Variants in UVRAG observed in about 807,000 individuals in gnomAD.
The protein encoded by UVRAG is UV radiation resistance associated, also known as UV radiation resistance-associated gene protein.
A neutral mutation model predicts 78.0 loss-of-function variants in UVRAG; 19 were observed. The observed-to-expected ratio is 0.24, with a 90% confidence interval of 0.17 to 0.36. UVRAG has a LOEUF of 0.36. Among genes scored for constraint, UVRAG ranks in the 10% least tolerant of loss-of-function variants. The pLI is 1.00. For synonymous variants in UVRAG, 323 were observed against 324.6 expected (o/e 1.00, Z 0.05); for missense variants, 740 against 853.8 (o/e 0.87, Z 1.66).
At position 75,815,234 on chromosome 11, in the gene UVRAG, GC is replaced by G; in HGVS notation, c.-173del. ...CGGTAATATGGCTCTTCCTTAGCCA[GC>G]GGCGGCAACGGCGGCAGCGGCGGCA... is the stretch of plus-strand genomic sequence containing the variant. On this transcript the variant is annotated 5_prime_UTR_variant, in exon 1 of 15. Coordinates refer to ENST00000356136, the MANE Select transcript of UVRAG (RefSeq NM_003369.4). 2.2e-6 allele frequency: 1 copy of G among 446,234 alleles called. No homozygotes were observed. The highest frequency in any genetic ancestry group is 3.9e-6 in the Non-Finnish European group (1 of 255,702). 27.6% of individuals were successfully genotyped at this position (446,234 alleles called of 1,614,324 possible).
At chr11:75,985,986 GATTAC>G (rs1259907748) in intron 8 of UVRAG, among the ~76,000 whole-genome samples, 1 of 152,034 alleles carries the variant, frequency 6.6e-6, no homozygotes, top group Non-Finnish European at 1.5e-5. Context: ...TTTTCTTCAA[GATTAC>G]CTCAGTTATT....
At chr11:75,941,564 G>A (rs1948485038) in intron 6 of UVRAG, among the ~76,000 whole-genome samples, 1 of 152,072 alleles carries the variant, frequency 6.6e-6, no homozygotes, top group Non-Finnish European at 1.5e-5. Flanking sequence ...AGGAAATGTT[G>A]ATCCACTTGT....
chr11:75,891,978 A>C (rs1406684404), intron 5 of UVRAG, among the ~76,000 whole-genome samples: 1 of 152,212 alleles, frequency 6.6e-6, no homozygotes, highest in Non-Finnish European at 1.5e-5. Flanking sequence ...ATTACTAATA[A>C]AACTGATGGA....
intron 12 of UVRAG, among the ~76,000 whole-genome samples, chr11:76,035,821 C>T (rs1305318243): frequency 6.6e-6 from 1 of 152,202 alleles, no homozygotes; most frequent in Non-Finnish European, 1.5e-5. Flanking sequence ...AGCATACTAT[C>T]AGCTTATTAT....
intron 4 of UVRAG, 82 bp from the exon 5 acceptor site, chr11:75,888,747 C>T (rs991260189): frequency 5.9e-6 from 7 of 1,182,326 alleles, no homozygotes; most frequent in Non-Finnish European, 8.4e-6. Flanking sequence ...GAAGTAGATC[C>T]TGTTGTAACT....
intron 7 of UVRAG, among the ~76,000 whole-genome samples, chr11:75,971,206 G>A (rs377245483): frequency 1.3e-5 from 2 of 152,132 alleles, no homozygotes; most frequent in African/African-American, 4.8e-5. Context: ...TCACTGAATA[G>A]TACTCCATTG....
intron 13 of UVRAG, among the ~76,000 whole-genome samples, chr11:76,084,800 G>T (rs1231328203): frequency 6.6e-6 from 1 of 152,074 alleles, no homozygotes; most frequent in Non-Finnish European, 1.5e-5. Context: ...AGTGGCTCAT[G>T]CCTGTAATCC....
intron 8 of UVRAG, among the ~76,000 whole-genome samples, chr11:75,984,781 G>A (rs141686815): frequency 5.3e-5 from 8 of 152,282 alleles, no homozygotes; most frequent in African/African-American, 1.9e-4. Context: ...CATTATGTTT[G>A]TAGAGTCATT....
intron 8 of UVRAG, among the ~76,000 whole-genome samples, chr11:75,987,391 T>G (rs1049928723): frequency 1.3e-5 from 2 of 152,248 alleles, no homozygotes; most frequent in African/African-American, 4.8e-5. Context: ...TAATTTTATA[T>G]CCAAGGAACT....
chr11:75,828,731 G>GTGTA (rs1555069621), intron 1 of UVRAG, among the ~76,000 whole-genome samples: 1 of 110,822 alleles, frequency 9.0e-6, no homozygotes, highest in Admixed American at 1.0e-4. Context: ...ATGTGTGTGT[G>GTGTA]TATATATATA....
At chr11:75,917,049 G>T (rs1299701557) in intron 6 of UVRAG, among the ~76,000 whole-genome samples, 1 of 152,162 alleles carries the variant, frequency 6.6e-6, no homozygotes, top group Admixed American at 6.5e-5. Context: ...ATTTTACAAA[G>T]GTGTTTTCAG....
intron 6 of UVRAG, among the ~76,000 whole-genome samples, chr11:75,944,613 C>T (rs1450213586): frequency 6.6e-6 from 1 of 152,106 alleles, no homozygotes. Flanking sequence ...TCAAGGGAGA[C>T]ATGGTTTTTC....
chr11:75,898,425 ATC>A (rs939815349), intron 5 of UVRAG, among the ~76,000 whole-genome samples: 1 of 151,800 alleles, frequency 6.6e-6, no homozygotes, highest in African/African-American at 2.4e-5. Flanking sequence ...TGAATTGTCT[ATC>A]TCTCTCTCTT....
intron 13 of UVRAG, among the ~76,000 whole-genome samples, chr11:76,089,015 C>T (rs1469821446): frequency 6.6e-6 from 1 of 152,156 alleles, no homozygotes; most frequent in Admixed American, 6.5e-5. Flanking sequence ...AAGGTTTGCA[C>T]ATGCATGATA....
intron 2 of UVRAG, among the ~76,000 whole-genome samples, chr11:75,854,376 A>G (rs543645215): frequency 1.3e-5 from 2 of 152,156 alleles, no homozygotes; most frequent in South Asian, 4.1e-4. Flanking sequence ...ATTACATTCT[A>G]TTGGCCATAA....
At chr11:76,085,597 G>A (rs1304686266) in intron 13 of UVRAG, among the ~76,000 whole-genome samples, 1 of 152,150 alleles carries the variant, frequency 6.6e-6, no homozygotes, top group Non-Finnish European at 1.5e-5. Flanking sequence ...TTACATACTG[G>A]CACTTTAGCC....
chr11:76,101,575 T>G (rs1951880619), intron 13 of UVRAG, among the ~76,000 whole-genome samples: 1 of 152,190 alleles, frequency 6.6e-6, no homozygotes, highest in Non-Finnish European at 1.5e-5. Flanking sequence ...CAGAAGCTCT[T>G]TAGTTTAATT....
At chr11:75,937,788 G>A in intron 6 of UVRAG, among the ~76,000 whole-genome samples, 1 of 151,964 alleles carries the variant, frequency 6.6e-6, no homozygotes, top group Non-Finnish European at 1.5e-5. Flanking sequence ...ATCACATTTG[G>A]ATATTTTGCA....
intron 13 of UVRAG, 72 bp from the exon 14 acceptor site, chr11:76,115,849 CTTG>C (rs1952167170): frequency 4.5e-6 from 6 of 1,326,518 alleles, no homozygotes; most frequent in East Asian, 2.4e-5. Flanking sequence ...AAAAAAATAA[CTTG>C]TTTAGTGGTT....
Sources: allele counts gnomAD v4.1 joint callset (sites outside exome capture counted in the v4.1 genomes callset), GRCh38; gene constraint gnomAD v4.1.1; transcripts MANE v1.5; gene names NCBI Gene and HGNC (gene_info 2026-07-23, HGNC 2026-07-21).